REPS2: variants seen among roughly 807,000 people sequenced by gnomAD.
REPS2 encodes ralBP1-associated Eps domain-containing protein 2.
A neutral mutation model predicts 53.6 loss-of-function variants in REPS2; 23 were observed. The ratio of observed to expected loss-of-function variants is 0.43; its 90% CI spans 0.31 to 0.61. The LOEUF is 0.61. Among genes scored for constraint, REPS2 ranks in the 20% least tolerant of loss-of-function variants. REPS2 has a pLI of 0.11. For missense variants in REPS2, 446 were observed against 534.9 expected, an observed-to-expected ratio of 0.83 and a Z score of 1.64; for synonymous variants, 238 against 218.6, an observed-to-expected ratio of 1.09 and a Z score of -0.78.
chrX:16,951,539 ACACACACACACACACACACAC>A (rs1163867420), intron 1 of REPS2, among the ~76,000 whole-genome samples: 17 of 56,349 alleles, frequency 3.0e-4, no homozygotes, highest in Admixed American at 2.5e-3. Context: ...ACACACACAC[ACACACACACACACACACACAC>A]CCCCGCTACC....
chrX:17,172,975 ATGTGTGTG>A, the REPS2 span, among the ~76,000 whole-genome samples: 2 of 99,277 alleles, frequency 2.0e-5, no homozygotes, highest in Non-Finnish European at 4.1e-5. Flanking sequence ...GTGTGTATGT[ATGTGTGTG>A]TGTGTGTGTG....
intron 1 of REPS2, among the ~76,000 whole-genome samples, chrX:16,956,406 A>T: frequency 9.8e-6 from 1 of 101,580 alleles, no homozygotes; most frequent in Non-Finnish European, 2.0e-5. Context: ...GGCCCAAATG[A>T]TCCTTCCATC....
At chrX:17,167,056 C>A in the REPS2 span, among the ~76,000 whole-genome samples, 12 of 111,751 alleles carry the variant, frequency 1.1e-4, no homozygotes, top group South Asian at 3.7e-4. Context: ...ATGTTGATTT[C>A]TTTGGGGCTT....
At chrX:17,091,653 G>C (rs913717814) in intron 13 of REPS2, among the ~76,000 whole-genome samples, 1 of 111,686 alleles carries the variant, frequency 9.0e-6, no homozygotes, top group Non-Finnish European at 1.9e-5. Context: ...ATTTCGGGGG[G>C]TGGTGTGTGG....
the REPS2 span, among the ~76,000 whole-genome samples, chrX:17,166,151 C>T: frequency 3.6e-5 from 4 of 111,215 alleles, no homozygotes; most frequent in Non-Finnish European, 7.5e-5. Flanking sequence ...ATAACAATAG[C>T]GGGGTTGGAA....
chrX:17,021,569 A>AT (rs2061578604), intron 2 of REPS2, among the ~76,000 whole-genome samples: 1 of 112,883 alleles, frequency 8.9e-6, no homozygotes, highest in African/African-American at 3.2e-5. Flanking sequence ...GAGCACTGGT[A>AT]AAGTACCAGC....
At chrX:17,015,662 T>A (rs2061484109) in intron 2 of REPS2, among the ~76,000 whole-genome samples, 1 of 108,702 alleles carries the variant, frequency 9.2e-6, no homozygotes, top group African/African-American at 3.3e-5. Context: ...ACATGCGGTG[T>A]TTGGTTTTTT....
chrX:16,985,746 A>G (rs972034420), intron 1 of REPS2, among the ~76,000 whole-genome samples: 5 of 111,261 alleles, frequency 4.5e-5, no homozygotes, highest in African/African-American at 9.8e-5. Flanking sequence ...AGATCAATCA[A>G]GGTCAAGCTG....
At chrX:17,062,162 AG>A (rs1422187187) in intron 8 of REPS2, among the ~76,000 whole-genome samples, 1 of 112,444 alleles carries the variant, frequency 8.9e-6, no homozygotes, top group Non-Finnish European at 1.9e-5. Context: ...GACTGCTGAG[AG>A]TTCAAGTCCC....
At chrX:16,967,288 A>G (rs1191226389) in intron 1 of REPS2, among the ~76,000 whole-genome samples, 1 of 110,732 alleles carries the variant, frequency 9.0e-6, no homozygotes, top group African/African-American at 3.3e-5. Flanking sequence ...AGTAGTTGTA[A>G]TAGAGACCAT....
At chrX:16,972,092 C>T (rs985187444) in intron 1 of REPS2, among the ~76,000 whole-genome samples, 1 of 111,838 alleles carries the variant, frequency 8.9e-6, no homozygotes, top group Non-Finnish European at 1.9e-5. Flanking sequence ...AAGTTGGATG[C>T]TTCCCAGGTG....
At chrX:16,964,553 C>T (rs1432508470) in intron 1 of REPS2, among the ~76,000 whole-genome samples, 11 of 110,487 alleles carry the variant, frequency 1.0e-4, no homozygotes, top group Non-Finnish European at 1.5e-4. Flanking sequence ...GGTACACCTC[C>T]CAGACGGGGT....
At chrX:17,003,293 CTT>C (rs2061327853) in intron 1 of REPS2, among the ~76,000 whole-genome samples, 1 of 111,625 alleles carries the variant, frequency 9.0e-6, no homozygotes, top group Non-Finnish European at 1.9e-5. Flanking sequence ...TAAGGTTGGT[CTT>C]GAGGTGACTT....
the REPS2 span, among the ~76,000 whole-genome samples, chrX:17,178,965 G>A: frequency 1.8e-5 from 2 of 110,897 alleles, no homozygotes; most frequent in Non-Finnish European, 3.8e-5. Flanking sequence ...TGGCTCCCCT[G>A]TTCAGTCTTT....
chrX:17,025,097 C>G lies in REPS2; in HGVS notation c.585C>G (p.Ser195=), dbSNP rs1370298934. The G allele has an allele frequency of 8.3e-7, 1 of 1,209,924 alleles. No individual in the cohort carries two copies. Among genetic ancestry groups the G allele is most frequent in the African/African-American group, 1.8e-5 (1 of 57,139 alleles). The change falls in exon 4 of 18, where the codon TCC becomes TCG. Residue 195 remains serine (S), a synonymous_variant. Transcript: ENST00000357277. ...TQSPTMSPLA[S]PPSSPPHYQR... ...CTCCCACGATGTCACCCCTCGCCTCCCCTCCTTCTTCCCCGCCTCATTACC... is the reference window on the plus strand; with the variant it reads ...CTCCCACGATGTCACCCCTCGCCTCGCCTCCTTCTTCCCCGCCTCATTACC...
At chrX:17,103,858 G>C in intron 14 of REPS2, 79 bp downstream of exon 14, 1 of 881,181 alleles carries the variant, frequency 1.1e-6, no homozygotes, top group Non-Finnish European at 1.7e-6. Flanking sequence ...TGCAAGGGTT[G>C]ATCGCCACAG....
At chrX:17,117,495 A>G (rs1457898447) in intron 14 of REPS2, among the ~76,000 whole-genome samples, 4 of 109,544 alleles carry the variant, frequency 3.7e-5, no homozygotes, top group Non-Finnish European at 7.6e-5. Context: ...TCATTGTTCA[A>G]TTCCCACCTA....
chrX:17,156,920 G>C (rs1281282914), downstream of REPS2, among the ~76,000 whole-genome samples: 2 of 111,497 alleles, frequency 1.8e-5, no homozygotes, highest in African/African-American at 6.5e-5. Context: ...TGGAGGGACT[G>C]ATGTTTTTAT....
At chrX:17,171,128 C>T in the REPS2 span, among the ~76,000 whole-genome samples, 1 of 112,842 alleles carries the variant, frequency 8.9e-6, no homozygotes, top group Non-Finnish European at 1.9e-5. Context: ...TCTCCTTGGC[C>T]TGGCCTGCCC....
Sources: gnomAD v4.1 joint callset for allele counts (sites outside exome capture counted in the v4.1 genomes callset) on GRCh38, gnomAD v4.1.1 for gene constraint, MANE v1.5 for transcripts, NCBI Gene and HGNC (gene_info 2026-07-23, HGNC 2026-07-21) for gene names.